Variants in FAM13A observed in about 807,000 individuals in gnomAD.
The protein encoded by FAM13A is family with sequence similarity 13 member A, also known as protein FAM13A.
Under a neutral mutation model 129.6 loss-of-function variants are expected in FAM13A, and 76 were observed. The observed-to-expected ratio is 0.59, with a 90% CI of 0.49 to 0.71. The LOEUF is 0.71. FAM13A is among the 30% of genes least tolerant of loss of function. The pLI, the probability that FAM13A is intolerant of heterozygous loss-of-function variation, is 0.00. For synonymous variants in FAM13A, 443 were observed against 449.9 expected (o/e 0.98, Z 0.20); for missense variants, 1,108 against 1,249.3 (o/e 0.89, Z 1.70).
At chr4:88,767,916 T>C in intron 12 of FAM13A, 67 bp downstream of exon 12, 4 of 932,978 alleles carry the variant, frequency 4.3e-6, no homozygotes, top group Non-Finnish European at 5.3e-6. Context: ...ATAATTCACA[T>C]TGCATTACAT....
intron 4 of FAM13A, among the ~76,000 whole-genome samples, chr4:88,977,018 G>A (rs557289852): frequency 6.6e-6 from 1 of 152,222 alleles, no homozygotes; most frequent in African/African-American, 2.4e-5. Flanking sequence ...TTCACACAAT[G>A]ACAAAATCAG....
intron 6 of FAM13A, among the ~76,000 whole-genome samples, chr4:88,883,545 C>T (rs1743931713): frequency 6.6e-6 from 1 of 151,934 alleles, no homozygotes; most frequent in Non-Finnish European, 1.5e-5. Context: ...GCCTTAAATG[C>T]CTACATCAAA....
intron 6 of FAM13A, among the ~76,000 whole-genome samples, chr4:88,851,424 C>T (rs964093936): frequency 4.6e-5 from 7 of 151,826 alleles, no homozygotes; most frequent in South Asian, 4.2e-4. Flanking sequence ...TATACCCTAC[C>T]GAGAACATTT....
intron 1 of FAM13A, among the ~76,000 whole-genome samples, chr4:89,053,637 G>A (rs1579951171): frequency 6.6e-6 from 1 of 152,106 alleles, no homozygotes. Flanking sequence ...GGGCATTCTT[G>A]AAATTATCAG....
rs556579723 is a variant in FAM13A, at chr4:88,940,354, G to C, written c.606-2113C>G. 1.1e-4 allele frequency among the ~76,000 whole-genome samples: 9 copies of C among 80,668 alleles called. No individual in the cohort carries two copies. The South Asian group carries it at 2.3e-3, about 20-fold the overall frequency. The allele number at this position is 80,668 out of a possible 152,430, so 52.9% of individuals were successfully genotyped here. A position where few individuals can be genotyped will look rare whatever the true frequency, so the allele number is the denominator to read the frequency against. On this transcript the variant is annotated intron_variant, in intron 4 of 23. Coordinates refer to ENST00000264344, the MANE Select transcript of FAM13A (RefSeq NM_014883.4). The stretch of plus-strand genomic sequence containing the variant: ...CTTGTGATGGTGGCAGAAAACTTAG[G>C]GAAATTGTATCCTATAGTTACTTGA...
At chr4:89,051,784 C>T (rs1218617860) in intron 1 of FAM13A, among the ~76,000 whole-genome samples, 4 of 152,118 alleles carry the variant, frequency 2.6e-5, no homozygotes, top group Middle Eastern at 3.2e-3. Context: ...AAAGGAATGG[C>T]AGGTCCTGAA....
chr4:88,775,622 C>T (rs1317750875), intron 11 of FAM13A, among the ~76,000 whole-genome samples: 4 of 151,900 alleles, frequency 2.6e-5, no homozygotes, highest in Non-Finnish European at 4.4e-5. Flanking sequence ...CAGAAGGATC[C>T]CTTAAGCCCA....
chr4:88,939,758 G>A (rs556387020), intron 4 of FAM13A, among the ~76,000 whole-genome samples: 3 of 152,244 alleles, frequency 2.0e-5, no homozygotes, highest in Admixed American at 2.0e-4. Context: ...AAAGATATAA[G>A]CAGTCAAGTT....
intron 4 of FAM13A, among the ~76,000 whole-genome samples, chr4:88,965,756 T>C (rs1005162569): frequency 1.3e-5 from 2 of 152,228 alleles, no homozygotes; most frequent in African/African-American, 4.8e-5. Flanking sequence ...ACCACCATTC[T>C]ACCGTTTCTG....
At chr4:88,741,216 T>C (rs1017401779) in intron 19 of FAM13A, among the ~76,000 whole-genome samples, 2 of 152,212 alleles carry the variant, frequency 1.3e-5, no homozygotes, top group Non-Finnish European at 2.9e-5. Context: ...AGCAGCACTA[T>C]AATCCCAAAC....
Position 89,020,490 on chromosome 4 carries a change from A to G in FAM13A, c.397T>C (p.Leu133=), listed in dbSNP as rs757893285. Residue 133 remains leucine (L), a synonymous_variant, in exon 3 of 24, where the codon TTG becomes CTG. Transcript: ENST00000264344. Reference sequence around the variant, plus strand: ...AAGAGTTGAATGAATCGAGGCTGCAACGCTGAGGTGATCAGACTGTCAGGC... The same window carrying G: ...AAGAGTTGAATGAATCGAGGCTGCAGCGCTGAGGTGATCAGACTGTCAGGC... The part of the protein sequence containing the change: ...ELPDSLITSA[L]QPRFIQLFQD... 6 of 1,614,040 alleles carry G rather than the reference A, an allele frequency of 3.7e-6. No individual in the cohort carries two copies. In the South Asian group the frequency reaches 5.5e-5, roughly 15 times the overall value.
At chr4:88,968,820 A>C (rs1759694475) in intron 4 of FAM13A, among the ~76,000 whole-genome samples, 1 of 152,084 alleles carries the variant, frequency 6.6e-6, no homozygotes, top group Non-Finnish European at 1.5e-5. Flanking sequence ...TTGCCTCCAC[A>C]TTCATTCTCA....
chr4:88,746,703 C>A (rs6855961), intron 19 of FAM13A, among the ~76,000 whole-genome samples: 132,138 of 152,166 alleles, frequency 0.87, 57,730 homozygotes, highest in African/African-American at 0.96. Context: ...AGTTGCAAAC[C>A]AATTTTTCAT....
chr4:88,838,467 G>A (rs1021098600), intron 7 of FAM13A, among the ~76,000 whole-genome samples: 18 of 152,306 alleles, frequency 1.2e-4, no homozygotes, highest in Admixed American at 1.2e-3. Context: ...GCCGGGCACG[G>A]TGGCTCATGC....
At chr4:88,758,947 A>G in intron 13 of FAM13A, 46 bp from the exon 14 acceptor site, 1 of 1,585,892 alleles carries the variant, frequency 6.3e-7, no homozygotes, top group South Asian at 1.1e-5. Flanking sequence ...GCTCACCAAA[A>G]CCCCAAGACG....
rs147807559 is a variant in FAM13A, at chr4:88,807,173, A to C, written c.1008-2121T>G. ...ATTCTTTGATGTGCATTCAATTAGC[A>C]ATATGCTTGATTTTCTTAAGTGCTT... On this transcript the variant is annotated intron_variant, in intron 7 of 23. Transcript: ENST00000264344. Among the ~76,000 whole-genome samples the C allele has an allele frequency of 3.8e-3, 573 of 152,334 alleles. 5 individuals carry two copies. The highest frequency in any genetic ancestry group is 0.013 in the African/African-American group (538 of 41,574).
intron 4 of FAM13A, among the ~76,000 whole-genome samples, chr4:88,945,968 G>C (rs1755681703): frequency 4.5e-5 from 1 of 22,186 alleles, no homozygotes; most frequent in African/African-American, 2.7e-4. Flanking sequence ...TAGTATCTGT[G>C]TGTGTGTGTG....
intron 4 of FAM13A, among the ~76,000 whole-genome samples, chr4:88,968,711 CT>C (rs1759676217): frequency 6.6e-6 from 1 of 152,090 alleles, no homozygotes; most frequent in South Asian, 2.1e-4. Flanking sequence ...TGTTCCTGCC[CT>C]GTTCTCCATA....
chr4:88,775,891 A>G (rs1721615123), intron 11 of FAM13A, among the ~76,000 whole-genome samples: 1 of 152,208 alleles, frequency 6.6e-6, no homozygotes, highest in Admixed American at 6.5e-5. Flanking sequence ...ATCTCACAAA[A>G]AACTGCTATT....
Sources: gnomAD v4.1 joint callset for allele counts (sites outside exome capture counted in the v4.1 genomes callset) on GRCh38, gnomAD v4.1.1 for gene constraint, MANE v1.5 for transcripts, NCBI Gene and HGNC (gene_info 2026-07-23, HGNC 2026-07-21) for gene names.